KCNMB2: variants seen among roughly 807,000 people sequenced by gnomAD.
KCNMB2 encodes potassium calcium-activated channel subfamily M regulatory beta subunit 2.
KCNMB2 carries 9 observed loss-of-function variants against 24.5 expected under a neutral mutation model. The observed-to-expected ratio is 0.37, with a 90% CI of 0.22 to 0.64. KCNMB2 has a LOEUF of 0.64. Among genes scored for constraint, KCNMB2 ranks in the 30% least tolerant of loss-of-function variants. The probability of loss-of-function intolerance (pLI) is 0.63; values close to 1 mark genes in which losing one functional copy is unlikely to be tolerated. For missense variants in KCNMB2, 226 were observed against 284.3 expected, an observed-to-expected ratio of 0.79 and a Z score of 1.47; for synonymous variants, 109 against 104.4, an observed-to-expected ratio of 1.04 and a Z score of -0.27.
intron 2 of KCNMB2, among the ~76,000 whole-genome samples, chr3:178,822,906 G>T (rs1213250755): frequency 6.6e-6 from 1 of 152,184 alleles, no homozygotes; most frequent in African/African-American, 2.4e-5. Flanking sequence ...CCCTGGAATT[G>T]TGAGATTATG....
intron 2 of KCNMB2, among the ~76,000 whole-genome samples, chr3:178,809,637 C>T (rs964204357): frequency 1.3e-5 from 2 of 152,074 alleles, no homozygotes; most frequent in African/African-American, 4.8e-5. Context: ...GCCAAGCCCA[C>T]AAGGGGAAAA....
intron 1 of KCNMB2, among the ~76,000 whole-genome samples, chr3:178,743,276 C>T (rs1723554563): frequency 6.6e-6 from 1 of 152,146 alleles, no homozygotes; most frequent in African/African-American, 2.4e-5. Context: ...AAATGGTACA[C>T]ATAAATTTAT....
intron 1 of KCNMB2, among the ~76,000 whole-genome samples, chr3:178,625,336 C>T (rs1054903830): frequency 6.6e-6 from 1 of 152,146 alleles, no homozygotes; most frequent in African/African-American, 2.4e-5. Context: ...GGAGCTGGAC[C>T]CCCCCACCCC....
chr3:178,825,810 C>T, intron 3 of KCNMB2, 52 bp downstream of exon 3: 2 of 1,466,464 alleles, frequency 1.4e-6, no homozygotes, highest in Non-Finnish European at 1.9e-6. Flanking sequence ...GCTCCATCCT[C>T]CCCCATCACT....
At chr3:178,628,150 T>G (rs911959729) in intron 1 of KCNMB2, among the ~76,000 whole-genome samples, 1 of 152,218 alleles carries the variant, frequency 6.6e-6, no homozygotes, top group African/African-American at 2.4e-5. Flanking sequence ...TAGATTATTT[T>G]GTCTCATACA....
chr3:178,775,293 T>A (rs771244778), intron 1 of KCNMB2, among the ~76,000 whole-genome samples: 4 of 152,346 alleles, frequency 2.6e-5, no homozygotes, highest in Non-Finnish European at 5.9e-5. Context: ...AGGGAATTAA[T>A]CCTTCACATC....
chr3:178,835,422 G>A (rs577477799), intron 4 of KCNMB2, among the ~76,000 whole-genome samples: 19 of 152,188 alleles, frequency 1.2e-4, no homozygotes, highest in Non-Finnish European at 2.5e-4. Context: ...GGGAAGAAAT[G>A]AAGTCTCAAT....
intron 1 of KCNMB2, among the ~76,000 whole-genome samples, chr3:178,714,290 T>C (rs144653527): frequency 1.2e-3 from 176 of 152,314 alleles, no homozygotes; most frequent in African/African-American, 2.4e-3. Context: ...ATGCTAGACA[T>C]AAGCTACACT....
intron 1 of KCNMB2, among the ~76,000 whole-genome samples, chr3:178,681,268 G>T (rs1721261917): frequency 1.4e-5 from 1 of 72,896 alleles, no homozygotes; most frequent in South Asian, 3.9e-4. Context: ...TAGCCAAATA[G>T]TATAACAATA....
intron 1 of KCNMB2, among the ~76,000 whole-genome samples, chr3:178,592,582 T>A (rs1240285623): frequency 6.6e-6 from 1 of 152,162 alleles, no homozygotes; most frequent in African/African-American, 2.4e-5. Context: ...ATGTGTGCTA[T>A]GTGTGTTTTC....
chr3:178,570,457 G>T (rs1356844764), intron 1 of KCNMB2, among the ~76,000 whole-genome samples: 1 of 149,468 alleles, frequency 6.7e-6, no homozygotes, highest in Non-Finnish European at 1.5e-5. Context: ...GCAATAGAAG[G>T]TCATTATAAT....
chr3:178,754,899 G>C (rs1041376235), intron 1 of KCNMB2, among the ~76,000 whole-genome samples: 6 of 152,192 alleles, frequency 3.9e-5, no homozygotes, highest in Non-Finnish European at 8.8e-5. Context: ...GCTATGAACA[G>C]ACTAAAGTTC....
chr3:178,750,386 AAAAAACAAAAAC>A (rs1166873428), intron 1 of KCNMB2, among the ~76,000 whole-genome samples: 1 of 152,204 alleles, frequency 6.6e-6, no homozygotes, highest in Non-Finnish European at 1.5e-5. Context: ...CTTCTACAAA[AAAAAACAAAAAC>A]AAAAACAAAA....
At chr3:178,583,376 T>C (rs915549210) in intron 1 of KCNMB2, among the ~76,000 whole-genome samples, 3 of 152,220 alleles carry the variant, frequency 2.0e-5, no homozygotes, top group Non-Finnish European at 4.4e-5. Flanking sequence ...AATTAAGTTA[T>C]ACAAATATAA....
At chr3:178,812,895 C>G (rs1476864248) in intron 2 of KCNMB2, among the ~76,000 whole-genome samples, 1 of 152,134 alleles carries the variant, frequency 6.6e-6, no homozygotes, top group Non-Finnish European at 1.5e-5. Context: ...AGTCACCCAT[C>G]TTGTTATTTT....
At chr3:178,556,516 T>C (rs1716128383) in intron 1 of KCNMB2, among the ~76,000 whole-genome samples, 1 of 152,206 alleles carries the variant, frequency 6.6e-6, no homozygotes. Context: ...GCAATTCTCC[T>C]GCCTCAGCCT....
Position 178,758,034 on chromosome 3 carries a change from ATATATAT to A in KCNMB2, c.-67-49308_-67-49302del. On this transcript the variant is annotated intron_variant, in intron 1 of 4. Transcript: ENST00000452583. ...ATATATATATATCTAGAGGATATAT[ATATATAT>A]CTAGATATATATATATATCTCCAAG... 3.9e-3 allele frequency among the ~76,000 whole-genome samples: 7 copies of A among 1,780 alleles called. 2 individuals carry two copies. The South Asian group carries it at 0.3, about 76-fold the overall frequency. The allele number at this position is 1,780 out of a possible 152,430, so 1.2% of individuals were successfully genotyped here.
intron 1 of KCNMB2, among the ~76,000 whole-genome samples, chr3:178,539,028 T>G (rs1001044138): frequency 1.3e-5 from 2 of 152,200 alleles, no homozygotes; most frequent in African/African-American, 4.8e-5. Context: ...GTCAGTCTTG[T>G]TTCCTCAGTC....
chr3:178,758,282 C>A (rs374914750), intron 1 of KCNMB2, among the ~76,000 whole-genome samples: 9 of 5,272 alleles, frequency 1.7e-3, no homozygotes, highest in East Asian at 5.7e-3. Flanking sequence ...ATATATATAT[C>A]TCCAAGGGGA....
Sources: allele counts gnomAD v4.1 joint callset (sites outside exome capture counted in the v4.1 genomes callset), GRCh38; gene constraint gnomAD v4.1.1; transcripts MANE v1.5; gene names NCBI Gene and HGNC (gene_info 2026-07-23, HGNC 2026-07-21).